The following ARFGEF3 variants were observed in gnomAD, a reference collection of about 807,000 sequenced individuals.
The protein encoded by ARFGEF3 is brefeldin A-inhibited guanine nucleotide-exchange protein 3.
ARFGEF3 carries 96 observed loss-of-function variants against 221.7 expected under a neutral mutation model. The ratio of observed to expected loss-of-function variants is 0.43; its 90% CI spans 0.37 to 0.51. The LOEUF (loss-of-function observed/expected upper bound fraction) is 0.51, where lower values mean the gene tolerates loss of function less well. Among genes scored for constraint, ARFGEF3 ranks in the 20% least tolerant of loss-of-function variants. The pLI, the probability that ARFGEF3 is intolerant of heterozygous loss-of-function variation, is 0.00. For synonymous variants in ARFGEF3, 1,145 were observed against 1,126.8 expected, an observed-to-expected ratio of 1.02 and a Z score of -0.32; for missense variants, 2,410 against 2,789.9, an observed-to-expected ratio of 0.86 and a Z score of 3.07.
rs572347075 is a variant in ARFGEF3, at chr6:138,339,898, G to A, written c.*3412G>A. 1 of 152,260 alleles carries A rather than the reference G, an allele frequency of 6.6e-6. No individual in the cohort carries two copies. Among genetic ancestry groups the A allele is most frequent in the South Asian group, 2.1e-4 (1 of 4,832 alleles). The allele number at this position is 152,260 out of a possible 1,614,324, so 9.4% of individuals were successfully genotyped here. On this transcript the variant is annotated 3_prime_UTR_variant, in exon 34 of 34. Transcript: ENST00000251691. ...GGTCTATGTAATGACTGACCGATAA[G>A]AACCCAGGCAGATGCTAACATACTT...
chr6:138,218,289 G>T (rs761564524), intron 4 of ARFGEF3: 1 of 1,591,750 alleles, frequency 6.3e-7, no homozygotes, highest in African/African-American at 1.3e-5. Flanking sequence ...TAGAATGCCT[G>T]GTAGCCTTGG....
chr6:138,320,604 A>G (rs1206020723), intron 28 of ARFGEF3, among the ~76,000 whole-genome samples: 2 of 152,216 alleles, frequency 1.3e-5, no homozygotes, highest in African/African-American at 4.8e-5. Flanking sequence ...GAGAGGACAG[A>G]GAAACTAAGG....
Position 138,278,433 on chromosome 6 carries a change from C to G in ARFGEF3, c.2129-18C>G. On this transcript the variant is annotated intron_variant, in intron 12 of 33. Coordinates refer to ENST00000251691, the MANE Select transcript of ARFGEF3 (RefSeq NM_020340.5). Reference sequence around the variant, plus strand: ...ACACTGTTCACACCCCCAAAAGTCCCTTCATTGTCTCCCTTAGGCATGATG... The same window carrying G: ...ACACTGTTCACACCCCCAAAAGTCCGTTCATTGTCTCCCTTAGGCATGATG... 1.9e-6 allele frequency: 3 copies of G among 1,612,044 alleles called. No individual in the cohort carries two copies. Among genetic ancestry groups the G allele is most frequent in the Non-Finnish European group, 2.5e-6 (3 of 1,178,930 alleles).
chr6:138,186,359 C>T (rs918352802), intron 2 of ARFGEF3, among the ~76,000 whole-genome samples: 6 of 152,206 alleles, frequency 3.9e-5, no homozygotes, highest in Non-Finnish European at 7.3e-5. Context: ...GCTTTCAGCA[C>T]TGATATCTCC....
intron 14 of ARFGEF3, among the ~76,000 whole-genome samples, chr6:138,284,491 A>G (rs891146845): frequency 6.6e-6 from 1 of 152,170 alleles, no homozygotes; most frequent in Non-Finnish European, 1.5e-5. Context: ...ACTCAGGGCT[A>G]CAAGGCTGCT....
intron 2 of ARFGEF3, among the ~76,000 whole-genome samples, chr6:138,202,014 A>G (rs1777545836): frequency 6.6e-6 from 1 of 152,234 alleles, no homozygotes; most frequent in Admixed American, 6.5e-5. Flanking sequence ...GACCAGATGC[A>G]GCATCACAGT....
Position 138,291,632 on chromosome 6 carries a change from T to G in ARFGEF3, c.3048-101T>G. 1 of 776,378 alleles carries G rather than the reference T, an allele frequency of 1.3e-6. No individual in the cohort carries two copies. 48.1% of individuals were successfully genotyped at this position (776,378 alleles called of 1,614,324 possible). The stretch of plus-strand genomic sequence containing the variant: ...CAGGAAAGAGGAAAGCTGGGGAGCT[T>G]GCAGAGCTGGCTGCATTTCCTTTGT... On this transcript the variant is annotated intron_variant, in intron 18 of 33. Coordinates refer to ENST00000251691, the MANE Select transcript of ARFGEF3 (RefSeq NM_020340.5). The surrounding 1 kb of genome is among the most constrained non-coding windows in gnomAD (Gnocchi z 4.5).
chr6:138,192,643 G>A (rs1777328896), intron 2 of ARFGEF3, among the ~76,000 whole-genome samples: 1 of 152,232 alleles, frequency 6.6e-6, no homozygotes, highest in South Asian at 2.1e-4. Flanking sequence ...TTGGTCTGCA[G>A]GCTGAGGTGT....
In ARFGEF3 at chr6:138,344,204, A is replaced by T. The variant is rs536503647; in HGVS notation, c.*7718A>T. The T allele has an allele frequency of 3.2e-4, 49 of 152,330 alleles. No individual in the cohort carries two copies. Among genetic ancestry groups the T allele is most frequent in the African/African-American group, 1.2e-3 (48 of 41,578 alleles). 9.4% of individuals were successfully genotyped at this position (152,330 alleles called of 1,614,324 possible). The stretch of plus-strand genomic sequence containing the variant: ...TCAACTTATTTTCATTGAAGATTAT[A>T]AATAAATGAAGCTTGTTATAGCCAT... On this transcript the variant is annotated 3_prime_UTR_variant, in exon 34 of 34. Transcript: ENST00000251691.
chr6:138,257,670 C>T (rs1038768468), intron 10 of ARFGEF3, among the ~76,000 whole-genome samples: 4 of 152,266 alleles, frequency 2.6e-5, no homozygotes, highest in South Asian at 2.1e-4. Context: ...CACATTGCAG[C>T]GCAAATGACC....
intron 2 of ARFGEF3, among the ~76,000 whole-genome samples, chr6:138,190,706 G>A (rs1777287899): frequency 6.6e-6 from 1 of 152,202 alleles, no homozygotes; most frequent in Non-Finnish European, 1.5e-5. Flanking sequence ...ACAGTTCTCA[G>A]TGCTGTGTTT....
chr6:138,204,172 T>C (rs1777587430), intron 2 of ARFGEF3, among the ~76,000 whole-genome samples: 1 of 151,676 alleles, frequency 6.6e-6, no homozygotes, highest in Non-Finnish European at 1.5e-5. Context: ...AACCCATCTC[T>C]ACTAAAAATA....
Position 138,336,574 on chromosome 6 carries a change from CCCCACTTAA to C in ARFGEF3, c.*89_*97del. The stretch of plus-strand genomic sequence containing the variant: ...GCTGTTGCATTTTCCCCACCACTAG[CCCCACTTAA>C]ACTACTACTACTGTCTCAGAGAACA... On this transcript the variant is annotated 3_prime_UTR_variant, in exon 34 of 34. Coordinates refer to ENST00000251691, the MANE Select transcript of ARFGEF3 (RefSeq NM_020340.5). 1 of 1,108,272 alleles carries C rather than the reference CCCCACTTAA, an allele frequency of 9.0e-7. No homozygotes were observed. Among genetic ancestry groups the C allele is most frequent in the South Asian group, 1.7e-5 (1 of 59,608 alleles). The allele number at this position is 1,108,272 out of a possible 1,614,324, so 68.7% of individuals were successfully genotyped here.
chr6:138,270,427 G>GACACAC (rs3044804), intron 12 of ARFGEF3, among the ~76,000 whole-genome samples: 2,309 of 139,458 alleles, frequency 0.017, 39 homozygotes, highest in African/African-American at 0.039. Flanking sequence ...ATTTTACGTA[G>GACACAC]ACACACACAC....
intron 2 of ARFGEF3, among the ~76,000 whole-genome samples, chr6:138,176,180 G>GA (rs1419916715): frequency 5.7e-5 from 5 of 87,358 alleles, no homozygotes; most frequent in African/African-American, 2.2e-4. Context: ...TTGGTAGTTG[G>GA]ATTTTTTTTT....
At chr6:138,251,543 C>G (rs1778583092) in intron 8 of ARFGEF3, among the ~76,000 whole-genome samples, 1 of 152,148 alleles carries the variant, frequency 6.6e-6, no homozygotes, top group South Asian at 2.1e-4. Context: ...GGTCATATCA[C>G]TCTTTTACCT....
At chr6:138,214,157 A>G (rs1363774425) in intron 4 of ARFGEF3, among the ~76,000 whole-genome samples, 1 of 152,210 alleles carries the variant, frequency 6.6e-6, no homozygotes, top group Non-Finnish European at 1.5e-5. Context: ...AGCCTCTTAA[A>G]TAAGTCCTTG....
chr6:138,194,989 ATTTTTTTTTTTTTTT>A (rs747099029), intron 2 of ARFGEF3, among the ~76,000 whole-genome samples: 3 of 84,130 alleles, frequency 3.6e-5, no homozygotes, highest in African/African-American at 5.8e-5. Context: ...CTTTTCCCTA[ATTTTTTTTTTTTTTT>A]TTTTTTTTTT....
intron 12 of ARFGEF3, among the ~76,000 whole-genome samples, chr6:138,276,677 G>A (rs1779102456): frequency 6.6e-6 from 1 of 151,282 alleles, no homozygotes; most frequent in South Asian, 2.1e-4. Context: ...TCGTTTTTTT[G>A]TTTTTTGAGG....
Sources: allele counts gnomAD v4.1 joint callset (sites outside exome capture counted in the v4.1 genomes callset), GRCh38; gene constraint gnomAD v4.1.1; non-coding constraint Gnocchi (gnomAD v3.1); transcripts MANE v1.5; gene names NCBI Gene and HGNC (gene_info 2026-07-23, HGNC 2026-07-21).